EIPR1: variants seen among roughly 807,000 people sequenced by gnomAD.
EIPR1 encodes EARP and GARP complex-interacting protein 1.
A neutral mutation model predicts 48.1 loss-of-function variants in EIPR1; 25 were observed. That is an observed-to-expected ratio of 0.52 (90% CI 0.38 to 0.73). The LOEUF (loss-of-function observed/expected upper bound fraction) is 0.73, where lower values mean the gene tolerates loss of function less well. EIPR1 is among the 30% of genes least tolerant of loss of function. The pLI is 0.00. For missense variants in EIPR1, 415 were observed against 506.2 expected (o/e 0.82, Z 1.73); for synonymous variants, 204 against 201.9 (o/e 1.01, Z -0.09).
At chr2:3,196,691 G>T (rs1664817821) in intron 6 of EIPR1, among the ~76,000 whole-genome samples, 190 bp downstream of exon 6, 3 of 152,226 alleles carry the variant, frequency 2.0e-5, no homozygotes, top group Admixed American at 6.5e-5. Context: ...CGGTTCCATT[G>T]CAGTGGATGT....
At chr2:3,359,485 T>C (rs929901156) in intron 1 of EIPR1, among the ~76,000 whole-genome samples, 8 of 152,166 alleles carry the variant, frequency 5.3e-5, no homozygotes, top group African/African-American at 1.7e-4. Flanking sequence ...TGGAAAAGCA[T>C]TGCAAATTTG....
Position 3,342,903 on chromosome 2 carries a change from G to A in EIPR1, c.127-4754C>T, listed in dbSNP as rs150276904. Among the ~76,000 whole-genome samples the A allele has an allele frequency of 3.9e-5, 6 of 152,248 alleles. No individual in the cohort carries two copies. In the East Asian group the frequency reaches 9.6e-4, roughly 24 times the overall value. On this transcript the variant is annotated intron_variant, in intron 2 of 8. Transcript: ENST00000382125. ...ACATCTTCATGAACTGTTTTAACTC[G>A]GGGCTGTTCAAACAGGATGCCATCA... is the stretch of plus-strand genomic sequence containing the variant.
At chr2:3,368,685 T>C (rs1254527553) in intron 1 of EIPR1, among the ~76,000 whole-genome samples, 1 of 152,256 alleles carries the variant, frequency 6.6e-6, no homozygotes, top group South Asian at 2.1e-4. Flanking sequence ...CACTTTGAGA[T>C]AGTCACAAAG....
intron 3 of EIPR1, among the ~76,000 whole-genome samples, chr2:3,306,559 A>G (rs569162274): frequency 6.6e-6 from 1 of 152,388 alleles, no homozygotes; most frequent in South Asian, 2.1e-4. Flanking sequence ...CTGTACTAAC[A>G]TAAATAGTAG....
At chr2:3,311,617 T>G (rs965684854) in intron 3 of EIPR1, among the ~76,000 whole-genome samples, 2 of 152,190 alleles carry the variant, frequency 1.3e-5, no homozygotes, top group African/African-American at 2.4e-5. Flanking sequence ...CTAACTCCTG[T>G]CTCACCCACC....
chr2:3,254,529 G>T (rs1667096502), intron 4 of EIPR1, among the ~76,000 whole-genome samples: 1 of 152,220 alleles, frequency 6.6e-6, no homozygotes. Context: ...ACGCATGGTG[G>T]CTGGAACCCA....
At chr2:3,299,057 T>C (rs1668683879) in intron 3 of EIPR1, among the ~76,000 whole-genome samples, 2 of 152,182 alleles carry the variant, frequency 1.3e-5, no homozygotes, top group South Asian at 4.1e-4. Flanking sequence ...ATAGCACTAT[T>C]AATGAGGCCA....
chr2:3,224,229 T>G (rs955263905), intron 4 of EIPR1, among the ~76,000 whole-genome samples: 3 of 152,078 alleles, frequency 2.0e-5, no homozygotes, highest in Admixed American at 2.0e-4. Flanking sequence ...CAAGAAAACA[T>G]ACAGTGTCTT....
Position 3,189,893 on chromosome 2 carries a change from A to T in EIPR1, c.990-385T>A, listed in dbSNP as rs1024424158. Among the ~76,000 whole-genome samples the T allele has an allele frequency of 1.1e-4, 17 of 152,116 alleles. No homozygotes were observed. Among genetic ancestry groups the T allele is most frequent in the Non-Finnish European group, 2.2e-4 (15 of 68,008 alleles). On this transcript the variant is annotated intron_variant, in intron 8 of 8. Transcript: ENST00000382125. The surrounding 1 kb of genome is among the most constrained non-coding windows in gnomAD (Gnocchi z 4.6). ...GGGGAAGTAGTCACCGTGTCTGGGT[A>T]ACACAGGATGTAAACGCCCCTATTG...
At chr2:3,253,902 G>A (rs1157435589) in intron 4 of EIPR1, among the ~76,000 whole-genome samples, 8 of 152,162 alleles carry the variant, frequency 5.3e-5, no homozygotes, top group East Asian at 1.9e-4. Flanking sequence ...CATTTCCTGC[G>A]GTGTGGGGCA....
intron 3 of EIPR1, among the ~76,000 whole-genome samples, chr2:3,336,678 G>C (rs920507499): frequency 1.3e-5 from 2 of 152,072 alleles, no homozygotes; most frequent in Non-Finnish European, 2.9e-5. Context: ...TGAGGCAGGA[G>C]AATTGCTTGA....
intron 3 of EIPR1, chr2:3,319,675 C>A: frequency 6.4e-6 from 1 of 156,288 alleles, no homozygotes; most frequent in Non-Finnish European, 1.4e-5. Flanking sequence ...CAGCAAACAA[C>A]ACTGCACCTG....
At chr2:3,377,540 G>A (rs1411403080) in intron 1 of EIPR1, 108 bp downstream of exon 1, 4 of 1,373,412 alleles carry the variant, frequency 2.9e-6, no homozygotes, top group Non-Finnish European at 4.0e-6. Context: ...GAACAGACAC[G>A]GGTCCTTGCA....
At chr2:3,250,024 A>G (rs1319027065) in intron 4 of EIPR1, among the ~76,000 whole-genome samples, 1 of 152,254 alleles carries the variant, frequency 6.6e-6, no homozygotes, top group East Asian at 1.9e-4. Flanking sequence ...GCCACTGCAG[A>G]GAGACTGCAC....
At chr2:3,279,536 C>G (rs1385431924) in intron 3 of EIPR1, among the ~76,000 whole-genome samples, 1 of 152,174 alleles carries the variant, frequency 6.6e-6, no homozygotes, top group Admixed American at 6.5e-5. Flanking sequence ...GTCTCCCCAG[C>G]TGCAAAATGT....
In EIPR1 at chr2:3,192,534, G is replaced by A. The variant is rs1355006474; in HGVS notation, c.869C>T (p.Thr290Met). Residue 290 changes from threonine to methionine, a missense_variant, in exon 8 of 9, where the codon ACG becomes ATG. Transcript: ENST00000382125. ...YNHSHDQLVL[T>M]GSSDSRVILS... Reference sequence around the variant, plus strand: ...GATGACTCTGCTGTCACTGCTGCCCGTGAGGACCAGCTGGTCATGAGAGTG... The same window carrying A: ...GATGACTCTGCTGTCACTGCTGCCCATGAGGACCAGCTGGTCATGAGAGTG... 6.2e-6 allele frequency: 10 copies of A among 1,612,768 alleles called. No individual in the cohort carries two copies. Among genetic ancestry groups the A allele is most frequent in the East Asian group, 2.2e-5 (1 of 44,884 alleles).
At chr2:3,203,229 A>G (rs1020957650) in intron 5 of EIPR1, among the ~76,000 whole-genome samples, 3 of 152,238 alleles carry the variant, frequency 2.0e-5, no homozygotes, top group African/African-American at 4.8e-5. Flanking sequence ...GGTGAATGAT[A>G]ATAACGTACG....
chr2:3,338,175 C>A, intron 2 of EIPR1, 26 bp from the exon 3 acceptor site: 1 of 1,606,116 alleles, frequency 6.2e-7, no homozygotes. Context: ...AAGAGCACAT[C>A]AGGATCTCAA....
intron 3 of EIPR1, among the ~76,000 whole-genome samples, chr2:3,274,093 G>A (rs947786392): frequency 7.2e-5 from 11 of 152,210 alleles, no homozygotes; most frequent in African/African-American, 2.4e-4. Flanking sequence ...GAATAAAGAT[G>A]TGAAGAAAGA....
Sources: gnomAD v4.1 joint callset for allele counts (sites outside exome capture counted in the v4.1 genomes callset) on GRCh38, gnomAD v4.1.1 for gene constraint, Gnocchi (gnomAD v3.1) non-coding constraint, MANE v1.5 for transcripts, NCBI Gene and HGNC (gene_info 2026-07-23, HGNC 2026-07-21) for gene names.